Variants in GALNT15 observed in about 807,000 individuals in gnomAD.
GALNT15 encodes the protein polypeptide N-acetylgalactosaminyltransferase 15.
GALNT15 carries 67 observed loss-of-function variants against 66.8 expected under a neutral mutation model. That is an observed-to-expected ratio of 1.00 (90% CI 0.82 to 1.23). GALNT15 has a LOEUF of 1.23. GALNT15 is among the 50% of genes most tolerant of loss of function. GALNT15 has a pLI of 0.00. For missense variants in GALNT15, 827 were observed against 804.3 expected (o/e 1.03, Z -0.34); for synonymous variants, 313 against 311.5 (o/e 1.00, Z -0.05).
Position 16,195,754 on chromosome 3 carries a change from C to T in GALNT15, c.540-6C>T, listed in dbSNP as rs1156422031. 1 of 1,608,262 alleles carries T rather than the reference C, an allele frequency of 6.2e-7. No individual in the cohort carries two copies. The highest frequency in any genetic ancestry group is 2.2e-5 in the East Asian group (1 of 44,718). ...CCCCATGGCTCTCTGGCTCTCTTCC[C>T]TGCAGGTGTCTGCAGCAGCACCCTC... is the stretch of plus-strand genomic sequence containing the variant. On this transcript the variant is annotated splice_region_variant and splice_polypyrimidine_tract_variant and intron_variant, in intron 1 of 9. Transcript: ENST00000339732. The surrounding 1 kb of genome is among the most constrained non-coding windows in gnomAD (Gnocchi z 4.6).
chr3:16,215,924 A>G (rs2063869660), intron 6 of GALNT15, among the ~76,000 whole-genome samples: 1 of 147,844 alleles, frequency 6.8e-6, no homozygotes, highest in South Asian at 2.1e-4. Context: ...AAAAAAAAAA[A>G]AGAAGAGGAA....
the GALNT15 span, among the ~76,000 whole-genome samples, chr3:16,243,265 C>T: frequency 6.6e-6 from 1 of 152,216 alleles, no homozygotes; most frequent in Non-Finnish European, 1.5e-5. Flanking sequence ...TGAATCTAAG[C>T]CCCCATGGAA....
chr3:16,181,695 A>G lies in GALNT15; in HGVS notation c.539+6005A>G, dbSNP rs1226125793. ...CATCAGTAAATCCAAGAGAGCAGAC[A>G]TGCCCTTCGGGATGAGGGACAAGAA... On this transcript the variant is annotated intron_variant, in intron 1 of 9. Coordinates refer to ENST00000339732, the MANE Select transcript of GALNT15 (RefSeq NM_054110.5). This position sits in a 1 kb window ranked among gnomAD's most constrained non-coding sequence, Gnocchi z 5.9. Among the ~76,000 whole-genome samples, 3 of 152,136 alleles carry G rather than the reference A, an allele frequency of 2.0e-5. No individual in the cohort carries two copies. Among genetic ancestry groups the G allele is most frequent in the African/African-American group, 7.2e-5 (3 of 41,434 alleles).
chr3:16,202,252 C>G (rs553106984), intron 3 of GALNT15, among the ~76,000 whole-genome samples: 8 of 152,368 alleles, frequency 5.3e-5, no homozygotes, highest in South Asian at 2.1e-4. Flanking sequence ...TTCCCAGTTT[C>G]ATGAGACAGA....
rs2063684406 is a variant in GALNT15, at chr3:16,200,220, C to G, written c.707-399C>G. ...GCATGGGGGAAACTGCCCACATGATCCAATCACCTCCCACCAGGTCCCTCC... is the reference window on the plus strand; with the variant it reads ...GCATGGGGGAAACTGCCCACATGATGCAATCACCTCCCACCAGGTCCCTCC... On this transcript the variant is annotated intron_variant, in intron 2 of 9. Coordinates refer to ENST00000339732, the MANE Select transcript of GALNT15 (RefSeq NM_054110.5). This position sits in a 1 kb window ranked among gnomAD's most constrained non-coding sequence, Gnocchi z 4.4. 6.6e-6 allele frequency among the ~76,000 whole-genome samples: 1 copy of G among 152,100 alleles called. No individual in the cohort carries two copies. The highest frequency in any genetic ancestry group is 2.4e-5 in the African/African-American group (1 of 41,410).
chr3:16,227,528 T>G lies in GALNT15; in HGVS notation c.*28T>G. On this transcript the variant is annotated 3_prime_UTR_variant, in exon 10 of 10. Transcript: ENST00000339732. This position sits in a 1 kb window ranked among gnomAD's most constrained non-coding sequence, Gnocchi z 4.5. ...GTCAATGTCAGAAGGAAAAGAGAAT[T>G]TTGGCCATCAAAATCCAGCTCCAAG... The G allele has an allele frequency of 1.2e-6, 2 of 1,614,060 alleles. No individual in the cohort carries two copies. Among genetic ancestry groups the G allele is most frequent in the South Asian group, 2.2e-5 (2 of 91,076 alleles).
intron 3 of GALNT15, among the ~76,000 whole-genome samples, chr3:16,205,735 A>ACTAC (rs1414401364): frequency 6.6e-6 from 1 of 152,182 alleles, no homozygotes; most frequent in Non-Finnish European, 1.5e-5. Context: ...GAGTCAGTAG[A>ACTAC]CTACAGTTAG....
chr3:16,201,392 AG>A (rs150475788), intron 3 of GALNT15, among the ~76,000 whole-genome samples: 10,325 of 152,116 alleles, frequency 0.068, 423 homozygotes, highest in Non-Finnish European at 0.091. Context: ...CGTGTTAGCC[AG>A]GATGGTCTCG....
the GALNT15 span, among the ~76,000 whole-genome samples, chr3:16,238,544 A>G: frequency 1.3e-5 from 2 of 152,126 alleles, no homozygotes; most frequent in African/African-American, 4.8e-5. The surrounding 1 kb of genome is among the most constrained non-coding windows in gnomAD (Gnocchi z 4.8). Context: ...CAATAGGCCA[A>G]TGATGTAAGG....
chr3:16,199,922 G>A (rs531824104), intron 2 of GALNT15, among the ~76,000 whole-genome samples: 1 of 152,302 alleles, frequency 6.6e-6, no homozygotes, highest in Admixed American at 6.5e-5. Flanking sequence ...ACAGTTAAGG[G>A]GAGCTCAGGG....
chr3:16,236,225 G>A (rs2064125368), downstream of GALNT15, among the ~76,000 whole-genome samples: 1 of 150,484 alleles, frequency 6.6e-6, no homozygotes, highest in African/African-American at 2.4e-5. Context: ...CCACCAAAGA[G>A]TGCCAATCAG....
At position 16,215,916 on chromosome 3, in the gene GALNT15, A is replaced by AAAC. The variant is rs1019009823; in HGVS notation, c.1392+3155_1392+3156insCAA. 5.2e-3 allele frequency among the ~76,000 whole-genome samples: 751 copies of AAAC among 143,522 alleles called. 12 individuals are homozygous for AAAC. The highest frequency in any genetic ancestry group is 0.015 in the East Asian group (70 of 4,614). The allele number at this position is 143,522 out of a possible 152,430, so 94.2% of individuals were successfully genotyped here. On this transcript the variant is annotated intron_variant, in intron 6 of 9. Coordinates refer to ENST00000339732, the MANE Select transcript of GALNT15 (RefSeq NM_054110.5). ...AGAGGGAGACTCCGCCAAAAAAAAA[A>AAAC]AAAAAAAAAGAAGAGGAAGAAGAAG... is the stretch of plus-strand genomic sequence containing the variant.
intron 1 of GALNT15, among the ~76,000 whole-genome samples, chr3:16,190,661 A>G (rs1327123438): frequency 1.3e-5 from 2 of 150,458 alleles, no homozygotes; most frequent in African/African-American, 4.9e-5. Flanking sequence ...AAAAAAAGAA[A>G]CAAAAGAATC....
Position 16,183,899 on chromosome 3 carries a change from A to G in GALNT15, c.539+8209A>G, listed in dbSNP as rs1470331826. ...TTTCCAAGTTCACAGGGGATCCTGG[A>G]GCTGCAGGAAAAGAGGGTGTGCATC... On this transcript the variant is annotated intron_variant, in intron 1 of 9. Coordinates refer to ENST00000339732, the MANE Select transcript of GALNT15 (RefSeq NM_054110.5). This position sits in a 1 kb window ranked among gnomAD's most constrained non-coding sequence, Gnocchi z 5.2. Among the ~76,000 whole-genome samples, 4 of 152,200 alleles carry G rather than the reference A, an allele frequency of 2.6e-5. No individual in the cohort carries two copies. Among genetic ancestry groups the G allele is most frequent in the African/African-American group, 9.7e-5 (4 of 41,442 alleles).
rs1025877174 is a variant in GALNT15 at position 16,219,852 on chromosome 3, C to A, written c.1525-58C>A. Reference sequence around the variant, plus strand: ...ATACAGCAAAGGAATGGTGTCTGACCGAGGGTGTCTTTACAGTGGAATCTG... The same window carrying A: ...ATACAGCAAAGGAATGGTGTCTGACAGAGGGTGTCTTTACAGTGGAATCTG... On this transcript the variant is annotated intron_variant, in intron 7 of 9. Transcript: ENST00000339732. This position sits in a 1 kb window ranked among gnomAD's most constrained non-coding sequence, Gnocchi z 4.3. 8 of 1,360,218 alleles carry A rather than the reference C, an allele frequency of 5.9e-6. No homozygotes were observed. Among genetic ancestry groups the A allele is most frequent in the Admixed American group, 5.0e-5 (3 of 59,688 alleles). The allele number at this position is 1,360,218 out of a possible 1,614,324, so 84.3% of individuals were successfully genotyped here.
At chr3:16,194,629 A>G (rs1275498016) in intron 1 of GALNT15, among the ~76,000 whole-genome samples, 1 of 152,244 alleles carries the variant, frequency 6.6e-6, no homozygotes, top group African/African-American at 2.4e-5. Context: ...GTACATATGT[A>G]CCATGGAGTA....
In GALNT15 at chr3:16,195,876, C is replaced by T. The variant is rs749508409; in HGVS notation, c.656C>T (p.Pro219Leu). 1.2e-6 allele frequency: 2 copies of T among 1,614,024 alleles called. No individual in the cohort carries two copies. Among genetic ancestry groups the T allele is most frequent in the South Asian group, 1.1e-5 (1 of 91,084 alleles). ...GTACACAGCATCCTCGACACAGTGC[C>T]CAGGGCCTTCCTGAAGGAGATCATC... ...RTVHSILDTV[P>L]RAFLKEIILV... is the part of the protein sequence containing the mutation. Residue 219 changes from proline to leucine, a missense_variant, in exon 2 of 10, where the codon CCC (proline) becomes CTC (leucine). Pro to Leu is a moderately conservative substitution (Grantham distance 98, BLOSUM62 -3). Transcript: ENST00000339732. The surrounding 1 kb of genome is among the most constrained non-coding windows in gnomAD (Gnocchi z 4.6).
downstream of GALNT15, chr3:16,231,695 G>A: frequency 1.1e-6 from 1 of 901,192 alleles, no homozygotes; most frequent in Non-Finnish European, 1.7e-6. The surrounding 1 kb of genome is among the most constrained non-coding windows in gnomAD (Gnocchi z 4.1). Context: ...AAACTGTTCA[G>A]CTAGCTCATA....
In GALNT15 at chr3:16,175,015, A is replaced by G; in HGVS notation, c.-137A>G. ...CTTGCACACGCTGTTGGCAAATGTC[A>G]GGACCAGGTTAAGTGACTGGCAGAA... On this transcript the variant is annotated 5_prime_UTR_variant, in exon 1 of 10. Transcript: ENST00000339732. The surrounding 1 kb of genome is among the most constrained non-coding windows in gnomAD (Gnocchi z 5.6). The G allele has an allele frequency of 2.7e-6, 2 of 729,928 alleles. No individual in the cohort carries two copies. 45.2% of individuals were successfully genotyped at this position (729,928 alleles called of 1,614,324 possible).
Sources: gnomAD v4.1 joint callset for allele counts (sites outside exome capture counted in the v4.1 genomes callset) on GRCh38, gnomAD v4.1.1 for gene constraint, Gnocchi (gnomAD v3.1) non-coding constraint, MANE v1.5 for transcripts, NCBI Gene and HGNC (gene_info 2026-07-23, HGNC 2026-07-21) for gene names.